Variants in GTF2F2 observed in about 807,000 individuals in gnomAD.
The protein encoded by GTF2F2 is general transcription factor IIF subunit 2.
GTF2F2 carries 23 observed loss-of-function variants against 42.2 expected under a neutral mutation model. That is an observed-to-expected ratio of 0.55 (90% CI 0.39 to 0.77). The LOEUF (loss-of-function observed/expected upper bound fraction) is 0.77. Ranked by LOEUF, GTF2F2 falls within the 30% of genes least tolerant of loss-of-function variation. The probability of loss-of-function intolerance (pLI) is 0.00; values close to 1 mark genes in which losing one functional copy is unlikely to be tolerated. For missense variants in GTF2F2, 261 were observed against 287.2 expected (o/e 0.91, Z 0.66); for synonymous variants, 105 against 100.8 (o/e 1.04, Z -0.25).
chr13:45,192,443 T>C (rs1418037947), intron 4 of GTF2F2, among the ~76,000 whole-genome samples: 1 of 152,210 alleles, frequency 6.6e-6, no homozygotes, highest in African/African-American at 2.4e-5. Context: ...ACTTTTGGCA[T>C]ATATGCTAAT....
chr13:45,188,764 T>C (rs1258285525), intron 4 of GTF2F2, among the ~76,000 whole-genome samples: 1 of 152,192 alleles, frequency 6.6e-6, no homozygotes, highest in Admixed American at 6.5e-5. Context: ...TTCACTGTGC[T>C]TTTTTCTCCT....
At chr13:45,130,074 G>T (rs1869256055) in intron 1 of GTF2F2, among the ~76,000 whole-genome samples, 1 of 152,210 alleles carries the variant, frequency 6.6e-6, no homozygotes, top group African/African-American at 2.4e-5. Context: ...TGAAGATATG[G>T]GATAGGATCA....
At position 45,120,719 on chromosome 13, in the gene GTF2F2, A is replaced by T; in HGVS notation, c.64A>T (p.Lys22Ter). 1 of 1,554,608 alleles carries T rather than the reference A, an allele frequency of 6.4e-7. No individual in the cohort carries two copies. The highest frequency in any genetic ancestry group is 1.2e-5 in the South Asian group (1 of 84,356). Residue 22 changes from lysine (K) to a stop codon, truncating the protein, a stop_gained and splice_region_variant, in exon 1 of 8, where the codon AAG (lysine) becomes TAG (stop). Transcript: ENST00000340473. LOFTEE classifies it high-confidence loss of function. ...ACAGAACACAGGAGTGTGGCTAGTC[A>T]AGGTAATGTTCGCGAGTCTCCCACT... ...AKQNTGVWLV[K>*]VPKYLSQQWA...
intron 4 of GTF2F2, among the ~76,000 whole-genome samples, chr13:45,195,977 T>C (rs1191352457): frequency 6.6e-6 from 1 of 152,168 alleles, no homozygotes; most frequent in Non-Finnish European, 1.5e-5. Context: ...AGTTAGACTT[T>C]AGTTTATATT....
At chr13:45,219,304 C>A (rs9526049) in intron 5 of GTF2F2, 33,209 of 152,018 alleles carry the variant, frequency 0.22, 3,881 homozygotes, top group African/African-American at 0.27. Flanking sequence ...AAGGAATCAG[C>A]TGACAAGCTA....
At chr13:45,280,854 ATTG>A (rs1304222599) in intron 7 of GTF2F2, among the ~76,000 whole-genome samples, 3 of 152,172 alleles carry the variant, frequency 2.0e-5, no homozygotes, top group Non-Finnish European at 4.4e-5. Flanking sequence ...GCTCCTGGCA[ATTG>A]TTCTTTTCAT....
intron 4 of GTF2F2, among the ~76,000 whole-genome samples, chr13:45,196,766 G>C (rs1316663777): frequency 6.6e-6 from 1 of 152,194 alleles, no homozygotes; most frequent in African/African-American, 2.4e-5. Context: ...CCTGTCTATA[G>C]ATGTCTTCAT....
In GTF2F2 at chr13:45,267,234, T is replaced by A; in HGVS notation, c.488T>A (p.Ile163Asn). 6.2e-7 allele frequency: 1 copy of A among 1,610,228 alleles called. No homozygotes were observed. Among genetic ancestry groups the A allele is most frequent in the Non-Finnish European group, 8.5e-7 (1 of 1,177,830 alleles). The change falls in exon 7 of 8, where the codon ATC becomes AAC. Residue 163 changes from isoleucine to asparagine, a missense_variant and splice_region_variant. By Grantham distance (149) the Ile-to-Asn change is moderately radical. Coordinates refer to ENST00000340473, the MANE Select transcript of GTF2F2 (RefSeq NM_004128.3). The part of the protein sequence containing the change: ...YKPVANHQYN[I>N]EYERKKKEDG... The stretch of plus-strand genomic sequence containing the variant: ...ATTTCCTTTGCTGTTTGCATATAGA[T>A]CGAATATGAAAGGAAAAAGAAAGAA...
At chr13:45,253,814 GC>G (rs1482269131) in intron 6 of GTF2F2, among the ~76,000 whole-genome samples, 5 of 152,296 alleles carry the variant, frequency 3.3e-5, no homozygotes, top group Non-Finnish European at 5.9e-5. Context: ...GGTGGCTCAC[GC>G]CTGTAATCCC....
At chr13:45,274,826 C>G in intron 7 of GTF2F2, among the ~76,000 whole-genome samples, 1 of 151,958 alleles carries the variant, frequency 6.6e-6, no homozygotes, top group East Asian at 1.9e-4. Context: ...GCCTATAGTT[C>G]CCGGCTACTT....
intron 4 of GTF2F2, among the ~76,000 whole-genome samples, chr13:45,196,237 T>C (rs1872884716): frequency 6.6e-6 from 1 of 152,214 alleles, no homozygotes; most frequent in African/African-American, 2.4e-5. Context: ...TTAGAGACTG[T>C]GAAATTCAAC....
At chr13:45,248,230 C>G (rs1287691543) in intron 5 of GTF2F2, among the ~76,000 whole-genome samples, 1 of 152,116 alleles carries the variant, frequency 6.6e-6, no homozygotes, top group Admixed American at 6.6e-5. Context: ...ACTTAATAGT[C>G]TTACATTGTG....
chr13:45,173,739 C>T (rs1002324580), intron 4 of GTF2F2, among the ~76,000 whole-genome samples: 5 of 150,892 alleles, frequency 3.3e-5, no homozygotes, highest in African/African-American at 4.9e-5. Flanking sequence ...TGCCTCAGCC[C>T]CCCGAGTAGC....
chr13:45,148,164 G>A (rs1020673711), intron 2 of GTF2F2, among the ~76,000 whole-genome samples: 3 of 152,156 alleles, frequency 2.0e-5, no homozygotes, highest in Admixed American at 6.5e-5. Context: ...CAAACTGAAC[G>A]TTATGGAGAA....
intron 5 of GTF2F2, among the ~76,000 whole-genome samples, chr13:45,223,563 T>G (rs920192362): frequency 2.6e-5 from 4 of 152,192 alleles, no homozygotes; most frequent in African/African-American, 9.6e-5. Flanking sequence ...TACTAGCAGT[T>G]TATACTTCTA....
intron 2 of GTF2F2, among the ~76,000 whole-genome samples, chr13:45,139,797 A>G (rs1566111608): frequency 6.6e-6 from 1 of 152,190 alleles, no homozygotes; most frequent in Non-Finnish European, 1.5e-5. Flanking sequence ...AATGCTTGGC[A>G]TAGTAGACAC....
chr13:45,193,973 A>C (rs1046431135), intron 4 of GTF2F2: 60 of 1,614,098 alleles, frequency 3.7e-5, no homozygotes, highest in Non-Finnish European at 5.0e-5. Context: ...GACTTTATGA[A>C]GTATTTAAAT....
intron 2 of GTF2F2, among the ~76,000 whole-genome samples, chr13:45,145,528 A>C (rs1048623056): frequency 1.2e-4 from 19 of 152,218 alleles, no homozygotes; most frequent in Non-Finnish European, 1.5e-5. Flanking sequence ...TACCTCCCCC[A>C]CACACATCCC....
chr13:45,175,938 A>G (rs1871858634), intron 4 of GTF2F2, among the ~76,000 whole-genome samples: 2 of 152,170 alleles, frequency 1.3e-5, no homozygotes, highest in Admixed American at 1.3e-4. Flanking sequence ...GCCAAATTCT[A>G]TCGGGTAACA....
Sources: allele counts gnomAD v4.1 joint callset (sites outside exome capture counted in the v4.1 genomes callset), GRCh38; gene constraint gnomAD v4.1.1; transcripts MANE v1.5; gene names NCBI Gene and HGNC (gene_info 2026-07-23, HGNC 2026-07-21).